TPH2: variants seen among roughly 807,000 people sequenced by gnomAD.
TPH2 encodes the protein tryptophan 5-hydroxylase 2.
TPH2 carries 27 observed loss-of-function variants against 59.1 expected under a neutral mutation model. The observed-to-expected ratio is 0.46, with a 90% CI of 0.34 to 0.63. The LOEUF is 0.63. TPH2 is among the 30% of genes least tolerant of loss of function. The pLI, the probability that TPH2 is intolerant of heterozygous loss-of-function variation, is 0.01. For synonymous variants in TPH2, 220 were observed against 210.5 expected (o/e 1.05, Z -0.39); for missense variants, 523 against 588.3 (o/e 0.89, Z 1.15).
intron 8 of TPH2, 31 bp from the exon 9 acceptor site, chr12:72,022,368 G>T: frequency 6.5e-7 from 1 of 1,544,236 alleles, no homozygotes; most frequent in African/African-American, 1.4e-5. Context: ...TCATTGACCA[G>T]TTCACTGAAT....
intron 5 of TPH2, chr12:71,962,523 G>T: frequency 1.0e-6 from 1 of 985,032 alleles, no homozygotes; most frequent in Non-Finnish European, 1.2e-6. Flanking sequence ...TTGTACATAG[G>T]AATAATTGGA....
At chr12:71,961,170 T>C (rs914892933) in intron 5 of TPH2, among the ~76,000 whole-genome samples, 3 of 152,210 alleles carry the variant, frequency 2.0e-5, no homozygotes, top group African/African-American at 7.2e-5. Context: ...CTAGCCTTCC[T>C]ATAGCTGAGT....
intron 8 of TPH2, among the ~76,000 whole-genome samples, chr12:72,015,131 G>A (rs557001009): frequency 2.7e-4 from 41 of 152,174 alleles, no homozygotes; most frequent in Non-Finnish European, 5.1e-4. Context: ...AGTAGCTAGG[G>A]TAGGTGGTAA....
chr12:72,026,005 T>C (rs1437731223), intron 9 of TPH2, among the ~76,000 whole-genome samples: 2 of 152,200 alleles, frequency 1.3e-5, no homozygotes, highest in African/African-American at 4.8e-5. Flanking sequence ...TACAGATCTT[T>C]GTTGAGTCCA....
intron 4 of TPH2, among the ~76,000 whole-genome samples, chr12:71,947,438 C>T (rs1212331011): frequency 6.6e-6 from 1 of 150,660 alleles, no homozygotes; most frequent in East Asian, 1.9e-4. Context: ...TACTCTCTGG[C>T]TGCTAGGGTT....
intron 6 of TPH2, among the ~76,000 whole-genome samples, chr12:71,974,293 A>G (rs1346690689): frequency 2.0e-5 from 3 of 152,132 alleles, no homozygotes; most frequent in Non-Finnish European, 1.5e-5. Flanking sequence ...ACATTACCAC[A>G]AACTTTGTGA....
chr12:72,002,259 G>A (rs1050253470), intron 8 of TPH2, among the ~76,000 whole-genome samples: 1 of 152,078 alleles, frequency 6.6e-6, no homozygotes, highest in African/African-American at 2.4e-5. Flanking sequence ...ACTCCCAGGC[G>A]AGAAAGAAAG....
chr12:71,956,288 C>A (rs947661915), intron 5 of TPH2, among the ~76,000 whole-genome samples: 23 of 152,138 alleles, frequency 1.5e-4, no homozygotes. Flanking sequence ...ATTCATAGAC[C>A]AACTGTGACA....
chr12:72,030,180 G>C (rs1435892821), intron 9 of TPH2, among the ~76,000 whole-genome samples: 1 of 151,916 alleles, frequency 6.6e-6, no homozygotes, highest in Non-Finnish European at 1.5e-5. Context: ...TTTTCTCTCT[G>C]CCTCTCTCTC....
chr12:71,975,121 C>T (rs183071877), intron 6 of TPH2, among the ~76,000 whole-genome samples: 4 of 152,184 alleles, frequency 2.6e-5, no homozygotes, highest in East Asian at 1.9e-4. Context: ...CCAAGGCAGG[C>T]GGATCACTTG....
chr12:71,966,376 C>G (rs1871818870), intron 5 of TPH2, among the ~76,000 whole-genome samples: 1 of 152,122 alleles, frequency 6.6e-6, no homozygotes, highest in East Asian at 1.9e-4. Flanking sequence ...TTCTGAGATA[C>G]ATATGCAGAA....
intron 8 of TPH2, among the ~76,000 whole-genome samples, chr12:72,014,269 A>C (rs1401486624): frequency 6.6e-6 from 1 of 152,190 alleles, no homozygotes; most frequent in Non-Finnish European, 1.5e-5. Context: ...CGAAGTTTCT[A>C]GCATTTTTAC....
At chr12:71,995,962 C>T (rs903231202) in intron 8 of TPH2, among the ~76,000 whole-genome samples, 5 of 152,176 alleles carry the variant, frequency 3.3e-5, no homozygotes, top group Admixed American at 3.3e-4. Flanking sequence ...ATTGGCTATC[C>T]ATCACGATAT....
intron 5 of TPH2, among the ~76,000 whole-genome samples, chr12:71,966,429 T>G (rs1592390401): frequency 6.6e-6 from 1 of 152,210 alleles, no homozygotes; most frequent in South Asian, 2.1e-4. Flanking sequence ...GCAAAGTTGA[T>G]GCATTTAAGC....
At chr12:71,987,444 T>G (rs914411786) in intron 7 of TPH2, among the ~76,000 whole-genome samples, 3 of 152,206 alleles carry the variant, frequency 2.0e-5, no homozygotes, top group Non-Finnish European at 4.4e-5. Flanking sequence ...AGGGCAAAAC[T>G]TATTCAAGTA....
chr12:71,958,035 AG>A (rs1274487528), intron 5 of TPH2, among the ~76,000 whole-genome samples: 1 of 152,204 alleles, frequency 6.6e-6, no homozygotes, highest in Non-Finnish European at 1.5e-5. Flanking sequence ...CGAGCCCTTG[AG>A]GTAGGTGCCA....
chr12:71,991,406 C>G (rs1298315592), intron 7 of TPH2, among the ~76,000 whole-genome samples: 1 of 152,236 alleles, frequency 6.6e-6, no homozygotes, highest in Non-Finnish European at 1.5e-5. Flanking sequence ...GTGCCTGGCT[C>G]ATAGTAAGCA....
At chr12:72,010,757 G>A (rs988661846) in intron 8 of TPH2, among the ~76,000 whole-genome samples, 1 of 152,140 alleles carries the variant, frequency 6.6e-6, no homozygotes, top group Admixed American at 6.5e-5. Flanking sequence ...CACAGCTCAT[G>A]TGGGAGTCAG....
intron 5 of TPH2, among the ~76,000 whole-genome samples, chr12:71,953,856 C>T (rs1050011271): frequency 6.6e-6 from 1 of 152,074 alleles, no homozygotes; most frequent in Non-Finnish European, 1.5e-5. Flanking sequence ...AGAAGTCAAA[C>T]ATGTGGTCAG....
Sources: allele counts gnomAD v4.1 joint callset (sites outside exome capture counted in the v4.1 genomes callset), GRCh38; gene constraint gnomAD v4.1.1; transcripts MANE v1.5; gene names NCBI Gene and HGNC (gene_info 2026-07-23, HGNC 2026-07-21).